PCM1: variants seen among roughly 807,000 people sequenced by gnomAD.
PCM1 encodes the protein pericentriolar material 1.
Under a neutral mutation model 241.9 loss-of-function variants are expected in PCM1, and 157 were observed. That is an observed-to-expected ratio of 0.65 (90% CI 0.57 to 0.74). The LOEUF (loss-of-function observed/expected upper bound fraction) is 0.74. Ranked by LOEUF, PCM1 falls within the 30% of genes least tolerant of loss-of-function variation. The pLI is 0.00. For synonymous variants in PCM1, 1,085 were observed against 784.9 expected (o/e 1.38, Z -6.39); for missense variants, 3,478 against 2,360.1 (o/e 1.47, Z -9.81).
intron 20 of PCM1, 27 bp downstream of exon 20, chr8:17,966,500 A>G (rs2074940535): frequency 6.2e-7 from 1 of 1,605,036 alleles, no homozygotes; most frequent in Admixed American, 1.7e-5. Flanking sequence ...AAGTATTGAG[A>G]CTGTATAAGA....
rs540778116 is a variant in PCM1 at position 17,988,413 on chromosome 8, A to G, written c.4411-1446A>G. On this transcript the variant is annotated intron_variant, in intron 26 of 38. Coordinates refer to ENST00000325083, the MANE Select transcript of PCM1 (RefSeq NM_006197.4). ...ACACTATACACAAAATTAATTTGAA[A>G]TGACCTAAAGTCGTGTAAAAGCCAA... Among the ~76,000 whole-genome samples, 190 of 152,010 alleles carry G rather than the reference A, an allele frequency of 1.2e-3. 1 individual carries two copies. The highest frequency in any genetic ancestry group is 4.4e-3 in the African/African-American group (181 of 41,542).
intron 30 of PCM1, 81 bp downstream of exon 30, chr8:18,006,478 T>G: frequency 1.1e-6 from 1 of 880,926 alleles, no homozygotes; most frequent in Non-Finnish European, 1.8e-6. Context: ...AGGCATTTTC[T>G]TGCATTACAC....
At chr8:17,954,951 TC>T (rs1332378889) in intron 9 of PCM1, among the ~76,000 whole-genome samples, 1 of 152,114 alleles carries the variant, frequency 6.6e-6, no homozygotes, top group Non-Finnish European at 1.5e-5. Flanking sequence ...CAAGAAAAGT[TC>T]CTTCTTGGTG....
At position 17,993,507 on chromosome 8, in the gene PCM1, G is replaced by T; in HGVS notation, c.4715G>T (p.Ser1572Ile). ...GAAACTCCCGTTATTGAAAATCGTA[G>T]TTCACAACAACCTGTAAGTGAAGTT... ...LEETPVIENR[S>I]SQQPVSEVST... The change falls in exon 29 of 39, where the codon AGT becomes ATT. Residue 1572 changes from serine (S) to isoleucine (I), a missense_variant. Physicochemically the swap from Ser to Ile is moderately radical, Grantham distance 142 (BLOSUM62 -2). Transcript: ENST00000325083. The T allele has an allele frequency of 6.3e-7, 1 of 1,576,476 alleles. No individual in the cohort carries two copies. Among genetic ancestry groups the T allele is most frequent in the South Asian group, 1.2e-5 (1 of 83,360 alleles).
chr8:17,924,550 A>G (rs190411958), intron 1 of PCM1, among the ~76,000 whole-genome samples, 163 bp from the exon 2 acceptor site: 4 of 152,352 alleles, frequency 2.6e-5, no homozygotes, highest in Admixed American at 1.3e-4. Context: ...CTATTTTCCA[A>G]AAGAATTGAG....
intron 4 of PCM1, among the ~76,000 whole-genome samples, chr8:17,938,125 A>G (rs1326470364): frequency 6.6e-6 from 1 of 152,168 alleles, no homozygotes; most frequent in Non-Finnish European, 1.5e-5. Flanking sequence ...AGTGTGATCC[A>G]TGGTCCTAGG....
At chr8:17,936,467 G>A (rs1468550808) in intron 3 of PCM1, among the ~76,000 whole-genome samples, 2 of 152,162 alleles carry the variant, frequency 1.3e-5, no homozygotes, top group Non-Finnish European at 2.9e-5. Context: ...GTTTAACTAA[G>A]TAAATAAAAA....
At chr8:17,969,491 T>C (rs1424162121) in intron 21 of PCM1, 86 bp from the exon 22 acceptor site, 4 of 973,898 alleles carry the variant, frequency 4.1e-6, no homozygotes, top group Non-Finnish European at 4.6e-6. Context: ...TTGAATGACA[T>C]GTTTAATTAA....
intron 23 of PCM1, among the ~76,000 whole-genome samples, chr8:17,974,086 G>C (rs1328240013): frequency 1.3e-5 from 2 of 152,226 alleles, no homozygotes; most frequent in African/African-American, 4.8e-5. Context: ...AGGAGTGAAA[G>C]AGGTGACATT....
At chr8:17,950,021 C>G (rs141573095) in intron 7 of PCM1, among the ~76,000 whole-genome samples, 20 of 152,268 alleles carry the variant, frequency 1.3e-4, no homozygotes, top group Non-Finnish European at 2.4e-4. Flanking sequence ...GGTCAGCAAA[C>G]TATGGTCAGC....
At chr8:17,969,528 C>T in intron 21 of PCM1, 49 bp from the exon 22 acceptor site, 1 of 1,308,266 alleles carries the variant, frequency 7.6e-7, no homozygotes, top group African/African-American at 1.5e-5. Context: ...CATTTTAAAG[C>T]TAAAGACATT....
chr8:18,019,308 T>G (rs539336742), intron 36 of PCM1, among the ~76,000 whole-genome samples: 4 of 152,304 alleles, frequency 2.6e-5, no homozygotes, highest in African/African-American at 7.2e-5. Context: ...ATGGCAAAAC[T>G]TTAGTTCTGT....
chr8:17,983,363 T>A, intron 24 of PCM1: 1 of 854,978 alleles, frequency 1.2e-6, no homozygotes, highest in Non-Finnish European at 1.7e-6. Context: ...TTTATTGTCC[T>A]GATTTTTTTC....
chr8:17,969,453 TAA>T, intron 21 of PCM1, 122 bp from the exon 22 acceptor site: 1 of 706,444 alleles, frequency 1.4e-6, no homozygotes, highest in Non-Finnish European at 2.3e-6. Context: ...CTTTTTTTTT[TAA>T]TTAACAGTTT....
At chr8:18,001,031 G>C (rs1349125525) in intron 29 of PCM1, among the ~76,000 whole-genome samples, 1 of 152,180 alleles carries the variant, frequency 6.6e-6, no homozygotes, top group African/African-American at 2.4e-5. Flanking sequence ...GTAGATTATA[G>C]CATATAGCTG....
At chr8:17,945,099 A>G (rs1298422007) in intron 6 of PCM1, among the ~76,000 whole-genome samples, 1 of 152,012 alleles carries the variant, frequency 6.6e-6, no homozygotes, top group Non-Finnish European at 1.5e-5. Context: ...TTGGTTTTAC[A>G]TTTTACCGTT....
intron 15 of PCM1, among the ~76,000 whole-genome samples, chr8:17,960,991 T>G (rs562369968): frequency 5.9e-5 from 9 of 152,286 alleles, no homozygotes; most frequent in African/African-American, 2.2e-4. Flanking sequence ...TCAGAACATG[T>G]GTACTCATAA....
intron 7 of PCM1, among the ~76,000 whole-genome samples, chr8:17,947,851 T>G (rs1227789408): frequency 6.6e-6 from 1 of 152,196 alleles, no homozygotes; most frequent in Non-Finnish European, 1.5e-5. Context: ...ATATGCTAGC[T>G]CCTTGGAACT....
intron 10 of PCM1, chr8:17,956,049 G>C (rs370455980): frequency 4.2e-6 from 1 of 238,900 alleles, no homozygotes; most frequent in Non-Finnish European, 8.2e-6. Flanking sequence ...CTGCAAAATA[G>C]GGATGATAAT....
Sources: allele counts gnomAD v4.1 joint callset (sites outside exome capture counted in the v4.1 genomes callset), GRCh38; gene constraint gnomAD v4.1.1; transcripts MANE v1.5; gene names NCBI Gene and HGNC (gene_info 2026-07-23, HGNC 2026-07-21).